TGDS: variants seen among roughly 807,000 people sequenced by gnomAD.
TGDS encodes the protein UDP-D-glucose 4,6-dehydratase.
A neutral mutation model predicts 52.3 loss-of-function variants in TGDS; 47 were observed. That is an observed-to-expected ratio of 0.90 (90% CI 0.71 to 1.15). The LOEUF is 1.15. Among genes scored for constraint, TGDS ranks in the 50% most tolerant of loss-of-function variants. TGDS has a pLI of 0.00. For synonymous variants in TGDS, 115 were observed against 136.9 expected (o/e 0.84, Z 1.12); for missense variants, 375 against 418.4 (o/e 0.90, Z 0.90).
At position 94,596,046 on chromosome 13, in the gene TGDS, C is replaced by G. The variant is rs1352555656; in HGVS notation, c.86+5G>C. 6.2e-7 allele frequency: 1 copy of G among 1,614,006 alleles called. No individual in the cohort carries two copies. ...CACTGCTTGGCTAGCGGCGCCATTA[C>G]CTACATGAAACCAGCACCGCCGGTC... is the stretch of plus-strand genomic sequence containing the variant. On this transcript the variant is annotated splice_donor_5th_base_variant and intron_variant, in intron 1 of 11. Transcript: ENST00000261296.
At chr13:94,585,556 GGGAGGCCCA>G (rs1310623824) in intron 4 of TGDS, among the ~76,000 whole-genome samples, 3 of 152,018 alleles carry the variant, frequency 2.0e-5, no homozygotes, top group African/African-American at 7.2e-5. Context: ...CCAGCACTTT[GGGAGGCCCA>G]GGTGGGTGGA....
intron 11 of TGDS, 103 bp downstream of exon 11, chr13:94,576,211 A>C: frequency 1.4e-6 from 1 of 694,142 alleles, no homozygotes; most frequent in Non-Finnish European, 2.2e-6. Flanking sequence ...AGTACGAATG[A>C]TTCAACACAA....
At chr13:94,577,773 T>G (rs1888649188) in intron 9 of TGDS, among the ~76,000 whole-genome samples, 1 of 152,232 alleles carries the variant, frequency 6.6e-6, no homozygotes, top group South Asian at 2.1e-4. Context: ...GCAAATGACT[T>G]ATGCAGAAAT....
Position 94,592,237 on chromosome 13 carries a change from A to T in TGDS, c.222+4T>A, listed in dbSNP as rs777098732. 3 of 1,602,632 alleles carry T rather than the reference A, an allele frequency of 1.9e-6. No individual in the cohort carries two copies. The highest frequency in any genetic ancestry group is 2.6e-6 in the Non-Finnish European group (3 of 1,173,862). ...ACGGTACAGTTACAAGAAAATGTTC[A>T]TACCTGTATAAATTTGTAGTTCTGT... is the stretch of plus-strand genomic sequence containing the variant. On this transcript the variant is annotated splice_donor_region_variant and intron_variant, in intron 3 of 11. Transcript: ENST00000261296.
At chr13:94,593,775 G>T in intron 2 of TGDS, 66 bp downstream of exon 2, 2 of 1,146,802 alleles carry the variant, frequency 1.7e-6, no homozygotes, top group Non-Finnish European at 2.6e-6. Flanking sequence ...CAAGATTCTA[G>T]TACTTTTAGA....
chr13:94,593,927 C>G lies in TGDS; in HGVS notation c.87-20G>C. 6.7e-7 allele frequency: 1 copy of G among 1,488,738 alleles called. No homozygotes were observed. Among genetic ancestry groups the G allele is most frequent in the Non-Finnish European group, 9.1e-7 (1 of 1,095,300 alleles). The allele number at this position is 1,488,738 out of a possible 1,614,324, so 92.2% of individuals were successfully genotyped here. A position where few individuals can be genotyped will look rare whatever the true frequency, so the allele number is the denominator to read the frequency against. The stretch of plus-strand genomic sequence containing the variant: ...GATGCACTATGGAAAAAAAGTATAT[C>G]TTGTTAGTGAAAAACTTTAACTTCC... On this transcript the variant is annotated intron_variant, in intron 1 of 11. Transcript: ENST00000261296.
chr13:94,583,460 T>C (rs976552549), intron 4 of TGDS, among the ~76,000 whole-genome samples: 2 of 152,142 alleles, frequency 1.3e-5, no homozygotes, highest in African/African-American at 4.8e-5. Context: ...AATGTTAAAT[T>C]TGCAGGAAAG....
intron 7 of TGDS, 112 bp from the exon 8 acceptor site, chr13:94,578,885 A>C (rs1888698020): frequency 1.7e-6 from 1 of 580,122 alleles, no homozygotes; most frequent in African/African-American, 1.9e-5. Context: ...GATTGCTTCT[A>C]ATTATTTTTA....
intron 3 of TGDS, 73 bp downstream of exon 3, chr13:94,592,168 T>C: frequency 8.6e-7 from 1 of 1,159,014 alleles, no homozygotes; most frequent in Non-Finnish European, 1.2e-6. Context: ...TACACAAGTT[T>C]GTAAAGTACA....
chr13:94,582,163 A>G (rs944931341), intron 5 of TGDS, among the ~76,000 whole-genome samples: 11 of 150,398 alleles, frequency 7.3e-5, no homozygotes, highest in Admixed American at 6.0e-4. Flanking sequence ...GAACCATTGC[A>G]CTCCAGGCTG....
intron 3 of TGDS, among the ~76,000 whole-genome samples, chr13:94,591,247 CT>C (rs889630932): frequency 7.2e-5 from 11 of 152,126 alleles, no homozygotes; most frequent in African/African-American, 2.4e-4. Flanking sequence ...TAATACAAAA[CT>C]TTTTTTAGCA....
chr13:94,581,162 G>T lies in TGDS; in HGVS notation c.484C>A (p.Pro162Thr). The T allele has an allele frequency of 6.3e-7, 1 of 1,592,620 alleles. No homozygotes were observed. Among genetic ancestry groups the T allele is most frequent in the Non-Finnish European group, 8.6e-7 (1 of 1,168,926 alleles). ...KEFDESSPKQ[P>T]TNPYASSKAA... ...TTAGATGATGCATAAGGATTTGTAG[G>T]TTGTTTGGGTGAAGATTCATCAAAT... The change falls in exon 6 of 12, where the codon CCT becomes ACT. Residue 162 changes from proline (P) to threonine (T), a missense_variant. Transcript: ENST00000261296.
chr13:94,575,202 T>C (rs1888553711), intron 11 of TGDS, among the ~76,000 whole-genome samples: 2 of 151,214 alleles, frequency 1.3e-5, no homozygotes, highest in South Asian at 2.1e-4. Flanking sequence ...TTATTTTATA[T>C]AAAAAAGTAT....
intron 4 of TGDS, among the ~76,000 whole-genome samples, chr13:94,587,685 G>T (rs1225798509): frequency 6.6e-6 from 1 of 152,004 alleles, no homozygotes; most frequent in African/African-American, 2.4e-5. Flanking sequence ...CATGACCTTG[G>T]AGGTGGGAAA....
intron 5 of TGDS, among the ~76,000 whole-genome samples, chr13:94,582,444 A>C (rs1265751128): frequency 6.6e-6 from 1 of 152,240 alleles, no homozygotes; most frequent in Non-Finnish European, 1.5e-5. Flanking sequence ...GCATGAAAAA[A>C]TAAATGAATA....
chr13:94,593,934 G>A (rs1889289746), intron 1 of TGDS, 27 bp from the exon 2 acceptor site: 3 of 1,437,452 alleles, frequency 2.1e-6, no homozygotes, highest in African/African-American at 2.9e-5. Flanking sequence ...TATCTTGTTA[G>A]TGAAAAACTT....
intron 11 of TGDS, among the ~76,000 whole-genome samples, chr13:94,575,246 C>T (rs1049261573): frequency 6.7e-6 from 1 of 148,670 alleles, no homozygotes; most frequent in African/African-American, 2.5e-5. Context: ...TATGGTAACA[C>T]TGCATGAGAG....
At chr13:94,585,385 T>C (rs1566959675) in intron 4 of TGDS, among the ~76,000 whole-genome samples, 1 of 152,108 alleles carries the variant, frequency 6.6e-6, no homozygotes, top group Non-Finnish European at 1.5e-5. Context: ...CAGGTATAAA[T>C]GAAGAATGAC....
chr13:94,591,867 T>C (rs771970990), intron 3 of TGDS, among the ~76,000 whole-genome samples: 2 of 152,240 alleles, frequency 1.3e-5, no homozygotes, highest in Non-Finnish European at 2.9e-5. Context: ...GACAATAACA[T>C]TTCCCTTTGC....
Sources: gnomAD v4.1 joint callset for allele counts (sites outside exome capture counted in the v4.1 genomes callset) on GRCh38, gnomAD v4.1.1 for gene constraint, MANE v1.5 for transcripts, NCBI Gene and HGNC (gene_info 2026-07-23, HGNC 2026-07-21) for gene names.